Variants in UBA6 observed in about 807,000 individuals in gnomAD.
UBA6 encodes ubiquitin-like modifier-activating enzyme 6.
UBA6 carries 87 observed loss-of-function variants against 148.3 expected under a neutral mutation model. That is an observed-to-expected ratio of 0.59 (90% CI 0.49 to 0.70). The LOEUF is 0.70. Among genes scored for constraint, UBA6 ranks in the 30% least tolerant of loss-of-function variants. UBA6 has a pLI of 0.00. For synonymous variants in UBA6, 376 were observed against 401.0 expected (o/e 0.94, Z 0.75); for missense variants, 1,186 against 1,241.2 (o/e 0.96, Z 0.67).
At chr4:67,651,758 A>C (rs896557426) in intron 13 of UBA6, among the ~76,000 whole-genome samples, 4 of 152,168 alleles carry the variant, frequency 2.6e-5, no homozygotes, top group African/African-American at 4.8e-5. Flanking sequence ...ACATGAAGAC[A>C]ATAGAGTACA....
chr4:67,659,419 C>G lies in UBA6; in HGVS notation c.1104+2770G>C, dbSNP rs1007672677. Among the ~76,000 whole-genome samples the G allele has an allele frequency of 2.6e-5, 4 of 151,942 alleles. No individual in the cohort carries two copies. The East Asian group carries it at 5.8e-4, about 22-fold the overall frequency. ...GCTGTTCTGATGATAGTGAGTTTCA[C>G]GAGATCTGACAGTTTTATAAGCGTC... On this transcript the variant is annotated intron_variant, in intron 13 of 32. Transcript: ENST00000322244.
chr4:67,626,191 A>C (rs1023147800), intron 28 of UBA6, among the ~76,000 whole-genome samples, 169 bp downstream of exon 28: 4 of 151,980 alleles, frequency 2.6e-5, no homozygotes, highest in Non-Finnish European at 5.9e-5. Context: ...AAGATGATGA[A>C]TTTAGTCACA....
chr4:67,636,550 C>A (rs1271341360), intron 19 of UBA6, among the ~76,000 whole-genome samples: 1 of 152,140 alleles, frequency 6.6e-6, no homozygotes. Flanking sequence ...CACCGCCACG[C>A]CTGACTGGTT....
chr4:67,670,439 T>G lies in UBA6; in HGVS notation c.669+31A>C, dbSNP rs749923393. 9 of 1,539,032 alleles carry G rather than the reference T, an allele frequency of 5.8e-6. No individual in the cohort carries two copies. The Admixed American group carries it at 7.2e-5, about 12-fold the overall frequency. ...GCATTCACATCAACTTTAACAAAAT[T>G]TATTTTAAAAGTTCATTAATATAAT... On this transcript the variant is annotated intron_variant, in intron 8 of 32. Coordinates refer to ENST00000322244, the MANE Select transcript of UBA6 (RefSeq NM_018227.6).
At chr4:67,681,149 A>T (rs571721568) in intron 4 of UBA6, among the ~76,000 whole-genome samples, 1 of 152,352 alleles carries the variant, frequency 6.6e-6, no homozygotes, top group South Asian at 2.1e-4. Context: ...TTATAGCAAC[A>T]TGTAAACTAA....
intron 2 of UBA6, among the ~76,000 whole-genome samples, chr4:67,690,644 G>C (rs1039778526): frequency 4.6e-5 from 7 of 152,078 alleles, no homozygotes; most frequent in African/African-American, 1.7e-4. Context: ...AGTTTGAATA[G>C]ATCTTTCTCC....
intron 18 of UBA6, 140 bp downstream of exon 18, chr4:67,641,010 CT>C (rs2109912614): frequency 1.6e-6 from 1 of 625,060 alleles, no homozygotes; most frequent in East Asian, 3.1e-5. Context: ...AATATTTTCC[CT>C]TTTGTCATTT....
chr4:67,669,379 A>C (rs752476554), intron 8 of UBA6, among the ~76,000 whole-genome samples: 3 of 152,202 alleles, frequency 2.0e-5, no homozygotes, highest in Non-Finnish European at 4.4e-5. Flanking sequence ...CCTAAAAGGC[A>C]TGACAGAGAC....
chr4:67,653,829 G>A (rs1255175646), intron 13 of UBA6, among the ~76,000 whole-genome samples: 2 of 152,206 alleles, frequency 1.3e-5, no homozygotes, highest in Non-Finnish European at 2.9e-5. Flanking sequence ...AAACAGTGTA[G>A]AGAAGACCTT....
At chr4:67,631,814 G>A (rs934509493) in intron 24 of UBA6, 43 bp from the exon 25 acceptor site, 4 of 1,609,356 alleles carry the variant, frequency 2.5e-6, no homozygotes, top group African/African-American at 1.3e-5. Context: ...TATGTAGCCA[G>A]TAATAAATGT....
rs1560474504 is a variant in UBA6, at chr4:67,619,004, G to C, written c.3152C>G (p.Thr1051Ser). 6.2e-7 allele frequency: 1 copy of C among 1,613,562 alleles called. No individual in the cohort carries two copies. Among genetic ancestry groups the C allele is most frequent in the Non-Finnish European group, 8.5e-7 (1 of 1,179,874 alleles). Residue 1051 changes from threonine to serine, a missense_variant, in exon 33 of 33, where the codon ACT becomes AGT. Transcript: ENST00000322244. ...ACGTTAAGACAACTTGTATTAATCAGTGTCATGACTGAAGTAGTATCTTAC... is the reference window on the plus strand; with the variant it reads ...ACGTTAAGACAACTTGTATTAATCACTGTCATGACTGAAGTAGTATCTTAC... ...PPVRYYFSHD[T>S]D is the part of the protein sequence containing the mutation.
At chr4:67,686,094 C>T (rs911119916) in intron 2 of UBA6, among the ~76,000 whole-genome samples, 2 of 152,156 alleles carry the variant, frequency 1.3e-5, no homozygotes, top group African/African-American at 4.8e-5. Flanking sequence ...CTGACTCATA[C>T]TAAGTGACCA....
intron 2 of UBA6, among the ~76,000 whole-genome samples, chr4:67,692,385 T>A (rs1315954796): frequency 6.6e-6 from 1 of 152,166 alleles, no homozygotes; most frequent in Non-Finnish European, 1.5e-5. Context: ...GCACCAGGAT[T>A]TAAGGCAGAA....
chr4:67,667,153 T>C (rs571752750), intron 9 of UBA6, among the ~76,000 whole-genome samples: 2 of 152,152 alleles, frequency 1.3e-5, no homozygotes, highest in African/African-American at 4.8e-5. Flanking sequence ...CACCACAACA[T>C]GGACCCCGAA....
rs750551467 is a variant in UBA6, at chr4:67,663,903, C to T, written c.942G>A (p.Val314=). The T allele has an allele frequency of 6.2e-7, 1 of 1,613,454 alleles. No individual in the cohort carries two copies. Residue 314 remains valine (V), a synonymous_variant, in exon 11 of 33, where the codon GTG becomes GTA. Coordinates refer to ENST00000322244, the MANE Select transcript of UBA6 (RefSeq NM_018227.6). ...RQLKHPKCLI[V]DFSNPEAPLE... is the part of the protein sequence containing the mutation. Reference sequence around the variant, plus strand: ...TATTTACCTCAGGGTTGCTAAAATCCACAATAAGGCACTTTGGATGTTTTA... The same window carrying T: ...TATTTACCTCAGGGTTGCTAAAATCTACAATAAGGCACTTTGGATGTTTTA...
intron 17 of UBA6, among the ~76,000 whole-genome samples, chr4:67,644,271 T>C (rs1418869437): frequency 6.6e-6 from 1 of 152,126 alleles, no homozygotes; most frequent in East Asian, 1.9e-4. Context: ...CCCACTACTT[T>C]TAATACTCTT....
At chr4:67,681,524 G>T in intron 4 of UBA6, 39 bp downstream of exon 4, 2 of 1,437,886 alleles carry the variant, frequency 1.4e-6, no homozygotes, top group Non-Finnish European at 1.9e-6. Context: ...CAAAAAAAAA[G>T]GCTCATAACA....
At chr4:67,621,484 T>C (rs1206010635) in intron 32 of UBA6, among the ~76,000 whole-genome samples, 1 of 152,218 alleles carries the variant, frequency 6.6e-6, no homozygotes, top group Non-Finnish European at 1.5e-5. Flanking sequence ...GAAATATATG[T>C]TCTAGTAGCA....
Position 67,678,433 on chromosome 4 carries a change from C to T in UBA6, c.353+6G>A. On this transcript the variant is annotated splice_donor_region_variant and intron_variant, in intron 5 of 32. Transcript: ENST00000322244. ...AACTCATGATAATACATCAAAATAT[C>T]TTTACCTGTTTCTCTTATTAACAAC... 6.5e-7 allele frequency: 1 copy of T among 1,545,546 alleles called. No homozygotes were observed. Among genetic ancestry groups the T allele is most frequent in the Non-Finnish European group, 8.8e-7 (1 of 1,137,440 alleles).
Sources: allele counts gnomAD v4.1 joint callset (sites outside exome capture counted in the v4.1 genomes callset), GRCh38; gene constraint gnomAD v4.1.1; transcripts MANE v1.5; gene names NCBI Gene and HGNC (gene_info 2026-07-23, HGNC 2026-07-21).